The following MCC variants were observed in gnomAD, a reference collection of about 807,000 sequenced individuals.
The protein encoded by MCC is colorectal mutant cancer protein.
A neutral mutation model predicts 116.2 loss-of-function variants in MCC; 90 were observed. That is an observed-to-expected ratio of 0.77 (90% CI 0.65 to 0.92). The LOEUF is 0.92. MCC is among the 40% of genes least tolerant of loss of function. The pLI is 0.00. For missense variants in MCC, 1,516 were observed against 1,312.2 expected, an observed-to-expected ratio of 1.16 and a Z score of -2.40; for synonymous variants, 578 against 510.5, an observed-to-expected ratio of 1.13 and a Z score of -1.78.
At chr5:113,109,877 A>G (rs1051979138) in intron 6 of MCC, among the ~76,000 whole-genome samples, 1 of 152,238 alleles carries the variant, frequency 6.6e-6, no homozygotes. Context: ...TGTACTCTTT[A>G]GAAAAACCCT....
In MCC at chr5:113,147,409, C is replaced by T. The variant is rs145850452; in HGVS notation, c.741+3900G>A. Among the ~76,000 whole-genome samples, 10 of 152,126 alleles carry T rather than the reference C, an allele frequency of 6.6e-5. No individual in the cohort carries two copies. In the East Asian group the frequency reaches 1.4e-3, roughly 21 times the overall value. On this transcript the variant is annotated intron_variant, in intron 4 of 18. Transcript: ENST00000408903. ...TTATGGTTTTGTTAATGTTCTTCAC[C>T]GGGTTTTATCTTACTCCACCGAGGC...
In MCC at chr5:113,415,046, A is replaced by G. The variant is rs528739018; in HGVS notation, c.171-29834T>C. Among the ~76,000 whole-genome samples, 223 of 152,224 alleles carry G rather than the reference A, an allele frequency of 1.5e-3. 2 individuals carry two copies. Among genetic ancestry groups the G allele is most frequent in the African/African-American group, 4.8e-3 (200 of 41,548 alleles). On this transcript the variant is annotated intron_variant, in intron 1 of 18. Transcript: ENST00000408903. ...TATGAAGCTTAGTTTGGCTGGATAT[A>G]AAATTCTGGGTTGAAAATTCTTTTC... is the stretch of plus-strand genomic sequence containing the variant.
At chr5:113,164,157 T>C (rs1760648633) in intron 3 of MCC, among the ~76,000 whole-genome samples, 1 of 152,180 alleles carries the variant, frequency 6.6e-6, no homozygotes, top group Non-Finnish European at 1.5e-5. Context: ...TTAACTGTCC[T>C]CTTATCCAAC....
At chr5:113,105,167 T>C (rs1312097397) in intron 6 of MCC, among the ~76,000 whole-genome samples, 1 of 152,230 alleles carries the variant, frequency 6.6e-6, no homozygotes, top group Non-Finnish European at 1.5e-5. Flanking sequence ...CATTCAATTA[T>C]TGTTGCAGGG....
intron 2 of MCC, among the ~76,000 whole-genome samples, chr5:113,361,368 T>C (rs1049267328): frequency 2.0e-4 from 31 of 152,222 alleles, no homozygotes; most frequent in African/African-American, 7.2e-4. Flanking sequence ...TTTGCTGTTC[T>C]CTTTCAAAAT....
intron 1 of MCC, among the ~76,000 whole-genome samples, chr5:113,415,233 C>A (rs1300580984): frequency 6.6e-6 from 1 of 152,106 alleles, no homozygotes; most frequent in Non-Finnish European, 1.5e-5. Context: ...GTGAATCTGA[C>A]AATTATGTGT....
At chr5:113,382,573 G>A (rs1317203600) in intron 2 of MCC, among the ~76,000 whole-genome samples, 1 of 152,058 alleles carries the variant, frequency 6.6e-6, no homozygotes, top group East Asian at 1.9e-4. Context: ...TCAATTTTTG[G>A]ATGTATTTGA....
rs140344694 is a variant in MCC at position 113,349,047 on chromosome 5, C to T, written c.416-8317G>A. Among the ~76,000 whole-genome samples, 31 of 151,878 alleles carry T rather than the reference C, an allele frequency of 2.0e-4. No homozygotes were observed. The East Asian group carries it at 5.4e-3, about 27-fold the overall frequency. ...GAACAGACCAATAAAAAATCATGAG[C>T]GTGAAGCCATAATGAAAGTCTTCCA... On this transcript the variant is annotated intron_variant, in intron 2 of 18. Transcript: ENST00000408903.
chr5:113,161,172 G>A (rs1760461170), intron 3 of MCC, among the ~76,000 whole-genome samples: 1 of 152,128 alleles, frequency 6.6e-6, no homozygotes, highest in South Asian at 2.1e-4. Flanking sequence ...AAGAAACACA[G>A]ACAAAATAAA....
intron 3 of MCC, among the ~76,000 whole-genome samples, chr5:113,173,955 T>C (rs191807888): frequency 2.0e-5 from 3 of 152,278 alleles, no homozygotes; most frequent in East Asian, 3.9e-4. Flanking sequence ...GAGACCTTTC[T>C]ACATTACTGC....
At chr5:113,384,218 C>T (rs1390929798) in intron 2 of MCC, among the ~76,000 whole-genome samples, 2 of 152,318 alleles carry the variant, frequency 1.3e-5, no homozygotes, top group African/African-American at 4.8e-5. Flanking sequence ...AACTGCTTAT[C>T]TTGCACCAGT....
At chr5:113,169,579 T>C (rs1760964899) in intron 3 of MCC, among the ~76,000 whole-genome samples, 2 of 152,176 alleles carry the variant, frequency 1.3e-5, no homozygotes, top group South Asian at 4.1e-4. Flanking sequence ...CCAGTCAAAC[T>C]GCTCAGGTGT....
intron 3 of MCC, among the ~76,000 whole-genome samples, chr5:113,218,793 G>GA (rs1170481715): frequency 6.6e-6 from 1 of 151,666 alleles, no homozygotes; most frequent in African/African-American, 2.4e-5. Context: ...TAGACTTGGG[G>GA]AAAAAAATCC....
chr5:113,280,907 C>T (rs1264216783), intron 3 of MCC, among the ~76,000 whole-genome samples: 4 of 152,192 alleles, frequency 2.6e-5, no homozygotes, highest in African/African-American at 9.6e-5. Context: ...GGGTCCAAAG[C>T]TCCACAACCA....
chr5:113,399,939 C>T (rs901423916), intron 1 of MCC: 3 of 152,060 alleles, frequency 2.0e-5, no homozygotes, highest in Non-Finnish European at 4.4e-5. Context: ...TTTCCCCTTT[C>T]CAGGTGAAAC....
At chr5:113,119,581 G>A (rs78136219) in intron 6 of MCC, among the ~76,000 whole-genome samples, 10,419 of 152,296 alleles carry the variant, frequency 0.068, 832 homozygotes, top group African/African-American at 0.2. Context: ...TGCGTGCTGA[G>A]GAAGCTAGAA....
chr5:113,295,586 T>A (rs945660344), intron 3 of MCC, among the ~76,000 whole-genome samples: 7 of 148,002 alleles, frequency 4.7e-5, no homozygotes, highest in Non-Finnish European at 7.6e-5. Flanking sequence ...GGAGGTAGAG[T>A]TGTATTTATG....
chr5:113,487,765 A>C (rs866015062), intron 1 of MCC, among the ~76,000 whole-genome samples: 3 of 152,220 alleles, frequency 2.0e-5, no homozygotes, highest in South Asian at 4.1e-4. Context: ...AAGTTTCTTC[A>C]CAGGTTATTT....
chr5:113,253,129 C>T (rs576561952), intron 3 of MCC, among the ~76,000 whole-genome samples: 1 of 152,272 alleles, frequency 6.6e-6, no homozygotes, highest in South Asian at 2.1e-4. Context: ...ACTAAAGATT[C>T]GTATAGGTCA....
Sources: gnomAD v4.1 joint callset for allele counts (sites outside exome capture counted in the v4.1 genomes callset) on GRCh38, gnomAD v4.1.1 for gene constraint, MANE v1.5 for transcripts, NCBI Gene and HGNC (gene_info 2026-07-23, HGNC 2026-07-21) for gene names.